The following CSMD1 variants were observed in gnomAD, a reference collection of about 807,000 sequenced individuals.
CSMD1 encodes the protein CUB and sushi domain-containing protein 1.
In CSMD1, 213 loss-of-function variants were observed where a neutral mutation model predicts 417.5. That is an observed-to-expected ratio of 0.51 (90% CI 0.46 to 0.57). The LOEUF (loss-of-function observed/expected upper bound fraction) is 0.57, where lower values mean the gene tolerates loss of function less well. Among genes scored for constraint, CSMD1 ranks in the 20% least tolerant of loss-of-function variants. CSMD1 has a pLI of 0.00. For synonymous variants in CSMD1, 2,862 were observed against 1,736.8 expected (o/e 1.65, Z -16.11); for missense variants, 6,923 against 4,529.7 (o/e 1.53, Z -15.17).
chr8:4,098,617 G>A (rs533321385), intron 3 of CSMD1, among the ~76,000 whole-genome samples: 103 of 152,126 alleles, frequency 6.8e-4, no homozygotes, highest in African/African-American at 2.4e-3. Flanking sequence ...AATAAGTGAA[G>A]GTAGTGAAAT....
chr8:3,128,171 A>C (rs745824648), intron 41 of CSMD1: 19 of 152,346 alleles, frequency 1.2e-4, no homozygotes, highest in Non-Finnish European at 1.9e-4. Context: ...TCCTTTGTTT[A>C]GATCTGAAAA....
intron 2 of CSMD1, among the ~76,000 whole-genome samples, chr8:4,492,267 T>C (rs1288061458): frequency 6.6e-6 from 1 of 152,096 alleles, no homozygotes; most frequent in Non-Finnish European, 1.5e-5. Context: ...CGATTTAATG[T>C]TTTGTCTACA....
intron 1 of CSMD1, among the ~76,000 whole-genome samples, chr8:4,677,991 C>G (rs1376283464): frequency 6.6e-6 from 1 of 152,122 alleles, no homozygotes; most frequent in Non-Finnish European, 1.5e-5. Context: ...GGTTTGATGT[C>G]AGAGACAGTG....
intron 5 of CSMD1, among the ~76,000 whole-genome samples, chr8:3,994,834 T>G (rs991886737): frequency 6.6e-6 from 1 of 152,204 alleles, no homozygotes; most frequent in Non-Finnish European, 1.5e-5. Flanking sequence ...CTAATCCTAT[T>G]ATTGTTCCTA....
At chr8:4,832,500 T>C (rs1245146336) in intron 1 of CSMD1, among the ~76,000 whole-genome samples, 3 of 152,150 alleles carry the variant, frequency 2.0e-5, no homozygotes, top group Non-Finnish European at 4.4e-5. Flanking sequence ...GGGACTTCTC[T>C]AGGCAGAAGG....
chr8:4,743,824 G>T (rs138479726), intron 1 of CSMD1, among the ~76,000 whole-genome samples: 2 of 152,044 alleles, frequency 1.3e-5, no homozygotes, highest in African/African-American at 4.8e-5. Flanking sequence ...CCTCTTTATC[G>T]CAAAAGCAAG....
chr8:4,385,003 T>C (rs921609094), intron 3 of CSMD1, among the ~76,000 whole-genome samples: 1 of 152,136 alleles, frequency 6.6e-6, no homozygotes, highest in African/African-American at 2.4e-5. Context: ...CTCGGCTCAA[T>C]GCAACCTCCG....
chr8:4,178,313 G>A (rs1446715801), intron 3 of CSMD1, among the ~76,000 whole-genome samples: 3 of 151,446 alleles, frequency 2.0e-5, no homozygotes, highest in South Asian at 4.2e-4. Flanking sequence ...CATATAAACA[G>A]AACCAAAGAC....
intron 7 of CSMD1, among the ~76,000 whole-genome samples, chr8:3,636,810 TTTTC>T (rs1173851823): frequency 2.0e-5 from 3 of 152,168 alleles, no homozygotes; most frequent in African/African-American, 7.2e-5. Flanking sequence ...CGATCATATC[TTTTC>T]TTTATTTTTT....
chr8:4,813,976 T>TAGAATC (rs1398342856), intron 1 of CSMD1, among the ~76,000 whole-genome samples: 1 of 152,252 alleles, frequency 6.6e-6, no homozygotes, highest in East Asian at 1.9e-4. Context: ...GATTCATAAT[T>TAGAATC]AATCAACAAT....
Position 3,616,728 on chromosome 8 carries a change from C to T in CSMD1, c.1079G>A (p.Arg360Lys), listed in dbSNP as rs573494968. Residue 360 changes from arginine to lysine, a missense_variant, in exon 8 of 70, where the codon AGA (arginine) becomes AAA (lysine). By Grantham distance (26) the Arg-to-Lys change is conservative (BLOSUM62 2). Coordinates refer to ENST00000635120, the MANE Select transcript of CSMD1 (RefSeq NM_033225.6). The part of the protein sequence containing the change: ...PDPGIPENGR[R>K]AGSDFRVGAN... Reference sequence around the variant, plus strand: ...CTCTTACCTGAAGTCGGAACCTGCTCTTCTACCATTTTCTGGAATCCCAGG... The same window carrying T: ...CTCTTACCTGAAGTCGGAACCTGCTTTTCTACCATTTTCTGGAATCCCAGG... 3.8e-5 allele frequency: 62 copies of T among 1,611,710 alleles called. No individual in the cohort carries two copies. In the South Asian group the frequency reaches 6.2e-4, roughly 16 times the overall value.
At chr8:3,705,394 G>A (rs76742162) in intron 7 of CSMD1, among the ~76,000 whole-genome samples, 6,614 of 152,262 alleles carry the variant, frequency 0.043, 215 homozygotes, top group South Asian at 0.071. Context: ...TACAGGAGCT[G>A]CTAGCAGTGT....
chr8:4,171,247 C>A (rs1797748906), intron 3 of CSMD1, among the ~76,000 whole-genome samples: 1 of 151,910 alleles, frequency 6.6e-6, no homozygotes, highest in Non-Finnish European at 1.5e-5. Flanking sequence ...TTCACTTGTC[C>A]ATGCAGTTTT....
At chr8:3,770,990 T>TTCTC (rs147124793) in intron 5 of CSMD1, among the ~76,000 whole-genome samples, 6 of 145,418 alleles carry the variant, frequency 4.1e-5, no homozygotes, top group Admixed American at 2.8e-4. Context: ...TTTGGACAGT[T>TTCTC]TCTCTCTCTC....
At chr8:4,149,810 A>T (rs1472294815) in intron 3 of CSMD1, among the ~76,000 whole-genome samples, 2 of 152,232 alleles carry the variant, frequency 1.3e-5, no homozygotes, top group African/African-American at 4.8e-5. Flanking sequence ...AGAATTTCCT[A>T]TTAAAATACC....
At chr8:3,332,378 A>T (rs1264239027) in intron 23 of CSMD1, among the ~76,000 whole-genome samples, 4 of 152,212 alleles carry the variant, frequency 2.6e-5, no homozygotes, top group Non-Finnish European at 5.9e-5. Context: ...ACCTCCAGAC[A>T]TCTCTGAGTC....
chr8:4,466,641 G>A (rs1440500882), intron 2 of CSMD1, among the ~76,000 whole-genome samples: 2 of 152,058 alleles, frequency 1.3e-5, no homozygotes, highest in Admixed American at 6.5e-5. Context: ...TTATTTAAAT[G>A]TTTAATTTTT....
chr8:4,226,655 A>T (rs1801375525), intron 3 of CSMD1, among the ~76,000 whole-genome samples: 1 of 152,196 alleles, frequency 6.6e-6, no homozygotes, highest in Admixed American at 6.5e-5. Flanking sequence ...ATTACAGTAT[A>T]ATCATAGAAA....
At chr8:3,999,610 T>A (rs1216296159) in intron 4 of CSMD1, among the ~76,000 whole-genome samples, 1 of 152,126 alleles carries the variant, frequency 6.6e-6, no homozygotes, top group Non-Finnish European at 1.5e-5. Flanking sequence ...AGCACACGGT[T>A]TTTGTTCCCG....
Sources: gnomAD v4.1 joint callset for allele counts (sites outside exome capture counted in the v4.1 genomes callset) on GRCh38, gnomAD v4.1.1 for gene constraint, MANE v1.5 for transcripts, NCBI Gene and HGNC (gene_info 2026-07-23, HGNC 2026-07-21) for gene names.